The following ZNF723 variants were observed in gnomAD, a reference collection of about 807,000 sequenced individuals.
The protein encoded by ZNF723 is zinc finger protein 723, also known as zinc finger protein 723, pseudogene.
Under a neutral mutation model 9.4 loss-of-function variants are expected in ZNF723, and 5 were observed. That is an observed-to-expected ratio of 0.53 (90% confidence interval 0.28 to 1.12). The LOEUF (loss-of-function observed/expected upper bound fraction) is 1.12. Among genes scored for constraint, ZNF723 ranks in the 50% most tolerant of loss-of-function variants. The probability of loss-of-function intolerance (pLI) is 0.10; values close to 1 mark genes in which losing one functional copy is unlikely to be tolerated. For synonymous variants in ZNF723, 158 were observed against 168.8 expected (o/e 0.94, Z 0.49); for missense variants, 450 against 501.5 (o/e 0.90, Z 0.98).
chr19:22,846,321 G>A (rs758875938), intron 1 of ZNF723, among the ~76,000 whole-genome samples: 9 of 152,104 alleles, frequency 5.9e-5, no homozygotes, highest in Admixed American at 5.2e-4. Flanking sequence ...TTAAGGAAAT[G>A]CTTACTTAAA....
intron 1 of ZNF723, among the ~76,000 whole-genome samples, chr19:22,837,893 C>G (rs1427495811): frequency 6.6e-6 from 1 of 152,136 alleles, no homozygotes; most frequent in East Asian, 1.9e-4. Context: ...CAGCAGCAAC[C>G]TCTTTTCTCC....
Position 22,857,129 on chromosome 19 carries a change from C to T in ZNF723, c.238C>T (p.His80Tyr). ...TCTATTTTTTTCAGTTGTGTGTTCT[C>T]ATTTTGCCCAAGACCTTTGGCCAGA... Reference protein sequence around the residue: ...MVAKPPVVCSHFAQDLWPEQG... With the variant: ...MVAKPPVVCSYFAQDLWPEQG... The change falls in exon 4 of 4, where the codon CAT becomes TAT. Residue 80 changes from histidine to tyrosine, a missense_variant. Coordinates refer to ENST00000600766, the MANE Select transcript of ZNF723 (RefSeq NM_001349726.2). 2 of 966,526 alleles carry T rather than the reference C, an allele frequency of 2.1e-6. No individual in the cohort carries two copies. Among genetic ancestry groups the T allele is most frequent in the South Asian group, 4.0e-5 (2 of 50,260 alleles). The allele number at this position is 966,526 out of a possible 1,614,324, so 59.9% of individuals were successfully genotyped here. A position where few individuals can be genotyped will look rare whatever the true frequency, so the allele number is the denominator to read the frequency against.
Position 22,857,717 on chromosome 19 carries a change from A to C in ZNF723, c.826A>C (p.Lys276Gln), listed in dbSNP as rs1464710839. Residue 276 changes from lysine (K) to glutamine (Q), a missense_variant, in exon 4 of 4, where the codon AAG (lysine) becomes CAG (glutamine). Lys to Gln is a moderately conservative substitution (Grantham distance 53). Coordinates refer to ENST00000600766, the MANE Select transcript of ZNF723 (RefSeq NM_001349726.2). ...FNMFSSLNNH[K>Q]RIHTGEKPYK... ...TATGTTCTCAAGCCTTAATAATCATAAGAGAATTCACACTGGAGAGAAACC... is the reference window on the plus strand; with the variant it reads ...TATGTTCTCAAGCCTTAATAATCATCAGAGAATTCACACTGGAGAGAAACC... 1 of 1,270,846 alleles carries C rather than the reference A, an allele frequency of 7.9e-7. No individual in the cohort carries two copies. The highest frequency in any genetic ancestry group is 1.5e-5 in the African/African-American group (1 of 68,302). The allele number at this position is 1,270,846 out of a possible 1,614,324, so 78.7% of individuals were successfully genotyped here. A position where few individuals can be genotyped will look rare whatever the true frequency, so the allele number is the denominator to read the frequency against.
chr19:22,829,581 G>T (rs1042596417), upstream of ZNF723, among the ~76,000 whole-genome samples: 1 of 152,030 alleles, frequency 6.6e-6, no homozygotes, highest in African/African-American at 2.4e-5. Context: ...AACCACGCCC[G>T]GCCAATAAGT....
chr19:22,823,159 C>A, the ZNF723 span, among the ~76,000 whole-genome samples: 5 of 152,172 alleles, frequency 3.3e-5, no homozygotes, highest in African/African-American at 1.2e-4. Flanking sequence ...TATACCAGCA[C>A]ATAGATCCAA....
chr19:22,857,917 A>T lies in ZNF723; in HGVS notation c.1026A>T (p.Lys342Asn). 1 of 1,452,212 alleles carries T rather than the reference A, an allele frequency of 6.9e-7. No individual in the cohort carries two copies. The highest frequency in any genetic ancestry group is 9.7e-7 in the Non-Finnish European group (1 of 1,033,226). The allele number at this position is 1,452,212 out of a possible 1,614,324, so 90.0% of individuals were successfully genotyped here. A position where few individuals can be genotyped will look rare whatever the true frequency, so the allele number is the denominator to read the frequency against. ...TTCATACTGGAGAGAAACTCTACAA[A>T]TGTGAAGAATGTGGCAAAGCATTCA... ...KRIHTGEKLYKCEECGKAFSQ... is the reference protein window; with the variant it reads ...KRIHTGEKLYNCEECGKAFSQ... The change falls in exon 4 of 4, where the codon AAA (lysine) becomes AAT (asparagine). Residue 342 changes from lysine to asparagine, a missense_variant. Physicochemically the swap from Lys to Asn is moderately conservative, Grantham distance 94. Around this residue, in one of 5 missense-constraint regions of ZNF723, gnomAD observed 237 missense variants for 332.2 expected, o/e 0.71. Transcript: ENST00000600766.
At chr19:22,851,819 T>C (rs1371557826) in intron 3 of ZNF723, among the ~76,000 whole-genome samples, 1 of 152,240 alleles carries the variant, frequency 6.6e-6, no homozygotes, top group East Asian at 1.9e-4. Context: ...GGAGTTTTGC[T>C]CTTGTTGCCC....
At chr19:22,839,923 A>G (rs571684016) in intron 1 of ZNF723, among the ~76,000 whole-genome samples, 44 of 152,250 alleles carry the variant, frequency 2.9e-4, no homozygotes, top group African/African-American at 9.9e-4. Context: ...CTCCTTTTGA[A>G]AAGCATCCGT....
At chr19:22,820,157 C>T in the ZNF723 span, among the ~76,000 whole-genome samples, 1 of 152,140 alleles carries the variant, frequency 6.6e-6, no homozygotes, top group African/African-American at 2.4e-5. Context: ...AATCTCCTTT[C>T]TCTGCCATGC....
chr19:22,844,296 A>G (rs933330482), intron 1 of ZNF723, among the ~76,000 whole-genome samples: 5 of 152,222 alleles, frequency 3.3e-5, no homozygotes, highest in African/African-American at 9.7e-5. Context: ...AAAAATATAA[A>G]CACAATAAAA....
Position 22,846,813 on chromosome 19 carries a change from C to CTTT in ZNF723, c.4-1422_4-1420dup, listed in dbSNP as rs760924027. On this transcript the variant is annotated intron_variant, in intron 1 of 3. Coordinates refer to ENST00000600766, the MANE Select transcript of ZNF723 (RefSeq NM_001349726.2). Reference sequence around the variant, plus strand: ...ATGGTTGCATTCAGCCTATAATTTCCTTTTTTTTTTTTTTTTTTTTTTTTT... The same window carrying CTTT: ...ATGGTTGCATTCAGCCTATAATTTCCTTTTTTTTTTTTTTTTTTTTTTTTTTTT... 1.4e-3 allele frequency among the ~76,000 whole-genome samples: 97 copies of CTTT among 69,132 alleles called. 12 individuals carry two copies. Among genetic ancestry groups the CTTT allele is most frequent in the East Asian group, 2.9e-3 (6 of 2,038 alleles). 45.4% of individuals were successfully genotyped at this position (69,132 alleles called of 152,430 possible).
At chr19:22,832,136 C>A (rs1439274421), upstream of ZNF723, among the ~76,000 whole-genome samples, 1 of 152,212 alleles carries the variant, frequency 6.6e-6, no homozygotes, top group Non-Finnish European at 1.5e-5. Context: ...GTCACTCTTT[C>A]TTCATTGAAC....
chr19:22,820,125 G>A, the ZNF723 span, among the ~76,000 whole-genome samples: 2 of 151,900 alleles, frequency 1.3e-5, no homozygotes, highest in Non-Finnish European at 2.9e-5. Flanking sequence ...TACATGGCTG[G>A]GCCCAACACC....
At position 22,833,749 on chromosome 19, in the gene ZNF723, T is replaced by C. The variant is rs530172678; in HGVS notation, c.3+1367T>C. 1.9e-4 allele frequency among the ~76,000 whole-genome samples: 28 copies of C among 151,136 alleles called. 1 individual carries two copies. In the South Asian group the frequency reaches 5.9e-3, roughly 32 times the overall value. ...CTCAGCCTCCCGAGTAGCTGGATTA[T>C]AGGCACGTGCCACCACGCCTGGCTA... On this transcript the variant is annotated intron_variant, in intron 1 of 3. Transcript: ENST00000600766.
rs1463046116 is a variant in ZNF723 at position 22,845,050 on chromosome 19, C to T, written c.4-3211C>T. On this transcript the variant is annotated intron_variant, in intron 1 of 3. Transcript: ENST00000600766. ...AGGAGAATGGCATGAACCCGGGAGGCGGAGGTTGCAGTGAGCCGATATCAC... is the reference window on the plus strand; with the variant it reads ...AGGAGAATGGCATGAACCCGGGAGGTGGAGGTTGCAGTGAGCCGATATCAC... Among the ~76,000 whole-genome samples the T allele has an allele frequency of 1.4e-4, 21 of 152,220 alleles. No homozygotes were observed. The South Asian group carries it at 1.7e-3, about 12-fold the overall frequency.
In ZNF723 at chr19:22,858,436, A is replaced by G. The variant is rs947067857; in HGVS notation, c.*3A>G. The G allele has an allele frequency of 1.5e-6, 1 of 674,922 alleles. No individual in the cohort carries two copies. Among genetic ancestry groups the G allele is most frequent in the Admixed American group, 2.9e-5 (1 of 34,226 alleles). 41.8% of individuals were successfully genotyped at this position (674,922 alleles called of 1,614,324 possible). On this transcript the variant is annotated 3_prime_UTR_variant, in exon 4 of 4. Coordinates refer to ENST00000600766, the MANE Select transcript of ZNF723 (RefSeq NM_001349726.2). ...AATCACAAACCTTAAAGATGTGACA[A>G]TGCTTTTTATGAAATCCCAAACTTT...
At chr19:22,823,226 G>T in the ZNF723 span, among the ~76,000 whole-genome samples, 1 of 152,322 alleles carries the variant, frequency 6.6e-6, no homozygotes. Flanking sequence ...CACCAAGAGT[G>T]TGGTAACAGG....
At chr19:22,827,701 G>A (rs1364997684), upstream of ZNF723, among the ~76,000 whole-genome samples, 1 of 151,954 alleles carries the variant, frequency 6.6e-6, no homozygotes, top group East Asian at 1.9e-4. Flanking sequence ...TGCCTGCCTC[G>A]GCCTCCCAAA....
At chr19:22,829,115 G>A (rs540563972), upstream of ZNF723, among the ~76,000 whole-genome samples, 2 of 152,138 alleles carry the variant, frequency 1.3e-5, no homozygotes, top group African/African-American at 4.8e-5. Context: ...GGAGGTTGCA[G>A]TGAGCTGAGA....
Sources: allele counts gnomAD v4.1 joint callset (sites outside exome capture counted in the v4.1 genomes callset), GRCh38; gene constraint gnomAD v4.1.1; regional missense constraint gnomAD v4.1.1; transcripts MANE v1.5; gene names NCBI Gene and HGNC (gene_info 2026-07-23, HGNC 2026-07-21).